The following SEMA6D variants were observed in gnomAD, a reference collection of about 807,000 sequenced individuals.
SEMA6D encodes the protein semaphorin 6D.
In SEMA6D, 35 loss-of-function variants were observed where a neutral mutation model predicts 106.6. That is an observed-to-expected ratio of 0.33 (90% CI 0.25 to 0.44). SEMA6D has a LOEUF of 0.44. SEMA6D is among the 20% of genes least tolerant of loss of function. The probability of loss-of-function intolerance (pLI) is 1.00; values close to 1 mark genes in which losing one functional copy is unlikely to be tolerated. For missense variants in SEMA6D, 1,185 were observed against 1,345.9 expected (o/e 0.88, Z 1.87); for synonymous variants, 499 against 487.7 (o/e 1.02, Z -0.31).
intron 3 of SEMA6D, among the ~76,000 whole-genome samples, chr15:47,574,857 A>G (rs1259336557): frequency 6.6e-6 from 1 of 152,178 alleles, no homozygotes; most frequent in East Asian, 1.9e-4. Context: ...AAGAATAATC[A>G]ATACTCCTAA....
chr15:47,709,721 T>TG (rs2078978597), intron 4 of SEMA6D, among the ~76,000 whole-genome samples: 1 of 152,178 alleles, frequency 6.6e-6, no homozygotes, highest in Non-Finnish European at 1.5e-5. Context: ...TGCAGAAATG[T>TG]CAGCCCTTGT....
rs138650423 is a variant in SEMA6D, at chr15:47,415,384, A to T, written c.-159+2912A>T. On this transcript the variant is annotated intron_variant, in intron 2 of 19. Transcript: ENST00000558014. ...CAATCCCTGTCAGTAAGGGGAGTAG[A>T]AAGGGTCTCTGGGACTGATCCTTGT... is the stretch of plus-strand genomic sequence containing the variant. Among the ~76,000 whole-genome samples the T allele has an allele frequency of 3.7e-4, 56 of 152,258 alleles. No homozygotes were observed. The East Asian group carries it at 7.9e-3, about 22-fold the overall frequency.
chr15:47,368,940 G>A (rs1335471110), intron 1 of SEMA6D, among the ~76,000 whole-genome samples: 1 of 151,938 alleles, frequency 6.6e-6, no homozygotes, highest in African/African-American at 2.4e-5. Context: ...ATAATCTGTG[G>A]GTTCTTGGAT....
chr15:47,230,019 C>T (rs552391415), intron 1 of SEMA6D, among the ~76,000 whole-genome samples: 38 of 152,140 alleles, frequency 2.5e-4, no homozygotes, highest in Non-Finnish European at 4.3e-4. Flanking sequence ...TGTTTATTAT[C>T]TGAAATTCAA....
intron 1 of SEMA6D, among the ~76,000 whole-genome samples, chr15:47,290,391 G>A (rs1278276656): frequency 6.6e-6 from 1 of 152,140 alleles, no homozygotes; most frequent in Non-Finnish European, 1.5e-5. Flanking sequence ...AAACTGAAAT[G>A]AGAGAGGAAG....
upstream of SEMA6D, among the ~76,000 whole-genome samples, chr15:47,714,043 C>T (rs2079066909): frequency 6.6e-6 from 1 of 152,088 alleles, no homozygotes; most frequent in African/African-American, 2.4e-5. Flanking sequence ...TTTATAAAAT[C>T]AATTTGAATA....
chr15:47,346,605 A>C (rs2144662444), intron 1 of SEMA6D, among the ~76,000 whole-genome samples: 1 of 152,344 alleles, frequency 6.6e-6, no homozygotes, highest in South Asian at 2.1e-4. Flanking sequence ...AAATTTAGAA[A>C]CAGAATGATT....
intron 4 of SEMA6D, among the ~76,000 whole-genome samples, chr15:47,611,036 C>G (rs2076889378): frequency 6.6e-6 from 1 of 152,112 alleles, no homozygotes; most frequent in Admixed American, 6.6e-5. Flanking sequence ...CTAATGTAGG[C>G]AGCACCTAGT....
At chr15:47,652,458 T>A (rs1320800657) in intron 4 of SEMA6D, among the ~76,000 whole-genome samples, 2 of 151,892 alleles carry the variant, frequency 1.3e-5, no homozygotes, top group Non-Finnish European at 2.9e-5. Context: ...CCAGACCCCC[T>A]CCTCACCCCG....
At chr15:47,628,236 A>G (rs2077235751) in intron 4 of SEMA6D, among the ~76,000 whole-genome samples, 1 of 152,076 alleles carries the variant, frequency 6.6e-6, no homozygotes, top group African/African-American at 2.4e-5. Context: ...GCATTCATAC[A>G]TGGATTTTAT....
chr15:47,426,517 G>T (rs2041345075), intron 2 of SEMA6D, among the ~76,000 whole-genome samples: 1 of 152,010 alleles, frequency 6.6e-6, no homozygotes, highest in Admixed American at 6.6e-5. Context: ...CTTTATATAG[G>T]GAAGGATAGG....
intron 1 of SEMA6D, among the ~76,000 whole-genome samples, chr15:47,749,663 T>G (rs2081326824): frequency 6.6e-6 from 1 of 152,180 alleles, no homozygotes; most frequent in Non-Finnish European, 1.5e-5. Context: ...GACTACTGAA[T>G]TTAAAATGCC....
At chr15:47,632,642 T>C (rs2077313475) in intron 4 of SEMA6D, among the ~76,000 whole-genome samples, 1 of 152,080 alleles carries the variant, frequency 6.6e-6, no homozygotes, top group African/African-American at 2.4e-5. Context: ...TATATTTTTA[T>C]TTTCAACCTT....
chr15:47,400,824 A>G (rs947675917), intron 1 of SEMA6D, among the ~76,000 whole-genome samples: 1 of 152,236 alleles, frequency 6.6e-6, no homozygotes, highest in African/African-American at 2.4e-5. Flanking sequence ...CAAGACCTGT[A>G]CTTAAATAAA....
intron 1 of SEMA6D, among the ~76,000 whole-genome samples, chr15:47,335,957 A>G (rs1242860379): frequency 6.6e-6 from 1 of 152,160 alleles, no homozygotes; most frequent in African/African-American, 2.4e-5. Flanking sequence ...TATTCCCTCC[A>G]GTATGGAGAA....
At chr15:47,521,971 C>T (rs972727314) in intron 3 of SEMA6D, among the ~76,000 whole-genome samples, 5 of 147,646 alleles carry the variant, frequency 3.4e-5, no homozygotes, top group African/African-American at 5.0e-5. Flanking sequence ...GGGGACAGAG[C>T]GAGACTCCGT....
chr15:47,318,910 C>T (rs1321320782), intron 1 of SEMA6D, among the ~76,000 whole-genome samples: 1 of 151,898 alleles, frequency 6.6e-6, no homozygotes, highest in African/African-American at 2.4e-5. Context: ...CCTATTTCTC[C>T]ACATCCTCTC....
intron 4 of SEMA6D, among the ~76,000 whole-genome samples, chr15:47,662,857 GCA>G (rs140613951): frequency 0.012 from 1,624 of 133,982 alleles, 34 homozygotes; most frequent in African/African-American, 0.037. Context: ...GTGTATGAGC[GCA>G]CACACACACA....
intron 1 of SEMA6D, among the ~76,000 whole-genome samples, chr15:47,310,221 G>A (rs1401187448): frequency 1.3e-5 from 2 of 152,186 alleles, no homozygotes; most frequent in African/African-American, 4.8e-5. Flanking sequence ...CCAACACTTA[G>A]CGATGAAAGG....
Sources: gnomAD v4.1 joint callset for allele counts (sites outside exome capture counted in the v4.1 genomes callset) on GRCh38, gnomAD v4.1.1 for gene constraint, MANE v1.5 for transcripts, NCBI Gene and HGNC (gene_info 2026-07-23, HGNC 2026-07-21) for gene names.